FRMD4A: variants seen among roughly 807,000 people sequenced by gnomAD.
The protein encoded by FRMD4A is FERM domain containing 4A, also known as FERM domain-containing protein 4A.
Under a neutral mutation model 129.1 loss-of-function variants are expected in FRMD4A, and 29 were observed. The ratio of observed to expected loss-of-function variants is 0.22; its 90% CI spans 0.17 to 0.31. FRMD4A has a LOEUF of 0.31. FRMD4A is among the 10% of genes least tolerant of loss of function. The pLI, the probability that FRMD4A is intolerant of heterozygous loss-of-function variation, is 1.00. For missense variants in FRMD4A, 1,272 were observed against 1,375.8 expected (o/e 0.92, Z 1.19); for synonymous variants, 634 against 571.6 (o/e 1.11, Z -1.56).
chr10:14,143,457 G>C (rs1564335677), intron 2 of FRMD4A, among the ~76,000 whole-genome samples: 1 of 152,216 alleles, frequency 6.6e-6, no homozygotes, highest in Non-Finnish European at 1.5e-5. Context: ...CAAGTTGAAT[G>C]GTGGTTGGGG....
rs1230775616 is a variant in FRMD4A, at chr10:13,883,009, G to A, written c.46-24097C>T. ...TGTAGAGACGGGGTTTTGCCTTGTTGGCCAGGCTGGTCTCGAACTTCTGTC... is the reference window on the plus strand; with the variant it reads ...TGTAGAGACGGGGTTTTGCCTTGTTAGCCAGGCTGGTCTCGAACTTCTGTC... On this transcript the variant is annotated intron_variant, in intron 2 of 24. Coordinates refer to ENST00000357447, the MANE Select transcript of FRMD4A (RefSeq NM_018027.5). 2.0e-5 allele frequency among the ~76,000 whole-genome samples: 3 copies of A among 151,872 alleles called. No individual in the cohort carries two copies. In the South Asian group the frequency reaches 6.2e-4, roughly 32 times the overall value.
intron 2 of FRMD4A, among the ~76,000 whole-genome samples, chr10:13,913,454 T>C (rs1409731415): frequency 1.3e-5 from 2 of 152,140 alleles, no homozygotes; most frequent in African/African-American, 4.8e-5. Context: ...ATCTCAATAA[T>C]AACAATAAAC....
chr10:14,189,642 C>A (rs914393794), intron 2 of FRMD4A, among the ~76,000 whole-genome samples: 3 of 152,146 alleles, frequency 2.0e-5, no homozygotes, highest in African/African-American at 7.2e-5. Context: ...AAGTAACATT[C>A]TTTGTTCTTG....
intron 2 of FRMD4A, among the ~76,000 whole-genome samples, chr10:13,995,544 C>T (rs1320605232): frequency 6.6e-6 from 1 of 152,180 alleles, no homozygotes; most frequent in Admixed American, 6.5e-5. Flanking sequence ...GAGATTGTGC[C>T]ACTGCACTCC....
chr10:14,295,247 C>T (rs191045119), intron 2 of FRMD4A, among the ~76,000 whole-genome samples: 6 of 152,244 alleles, frequency 3.9e-5, no homozygotes, highest in African/African-American at 1.4e-4. Flanking sequence ...TTCACTCCTG[C>T]CTCCATGTGA....
At chr10:13,921,226 T>C (rs377131103) in intron 2 of FRMD4A, among the ~76,000 whole-genome samples, 17 of 21,362 alleles carry the variant, frequency 8.0e-4, no homozygotes, top group Admixed American at 5.1e-3. Context: ...CTTTCTTTCT[T>C]TCTCTCTCTT....
chr10:14,127,441 C>G (rs1175436890), intron 2 of FRMD4A, among the ~76,000 whole-genome samples: 1 of 152,188 alleles, frequency 6.6e-6, no homozygotes, highest in Admixed American at 6.5e-5. Context: ...TTGCTGTACT[C>G]TGGAGAAGCG....
chr10:13,958,494 AG>A (rs2095424743), intron 2 of FRMD4A, among the ~76,000 whole-genome samples: 5 of 152,016 alleles, frequency 3.3e-5, no homozygotes, highest in Admixed American at 3.3e-4. Context: ...CGTGTTAGCC[AG>A]GATGGTCTTG....
chr10:13,644,985 A>G lies in FRMD4A; in HGVS notation c.*2053T>C, dbSNP rs2081030126. On this transcript the variant is annotated 3_prime_UTR_variant, in exon 25 of 25. Coordinates refer to ENST00000357447, the MANE Select transcript of FRMD4A (RefSeq NM_018027.5). ...CCTGGAATCACCAGTCCAGCCATGC[A>G]TGGAGCTGGGGAAAGCAGGCCCTGA... 6.6e-6 allele frequency: 1 copy of G among 152,252 alleles called. No homozygotes were observed. Among genetic ancestry groups the G allele is most frequent in the African/African-American group, 2.4e-5 (1 of 41,462 alleles). The allele number at this position is 152,252 out of a possible 1,614,324, so 9.4% of individuals were successfully genotyped here.
intron 2 of FRMD4A, among the ~76,000 whole-genome samples, chr10:13,982,574 C>A (rs1478997478): frequency 6.6e-6 from 1 of 151,964 alleles, no homozygotes; most frequent in Admixed American, 6.6e-5. Context: ...GGGTCCTGCC[C>A]TATACCCAGA....
intron 2 of FRMD4A, among the ~76,000 whole-genome samples, chr10:14,224,882 G>A (rs1222387331): frequency 1.3e-5 from 2 of 152,154 alleles, no homozygotes; most frequent in Non-Finnish European, 2.9e-5. Flanking sequence ...AGGTCCAGAG[G>A]AAGCCGTTAT....
intron 2 of FRMD4A, among the ~76,000 whole-genome samples, chr10:14,251,494 C>A (rs1844438854): frequency 6.6e-6 from 1 of 152,152 alleles, no homozygotes; most frequent in Admixed American, 6.5e-5. Context: ...CAGGAATGAT[C>A]TTGAAGCAGA....
intron 13 of FRMD4A, among the ~76,000 whole-genome samples, chr10:13,702,663 CAT>C (rs988310168): frequency 9.2e-5 from 14 of 151,976 alleles, no homozygotes; most frequent in African/African-American, 3.1e-4. Flanking sequence ...TCAAGACTAA[CAT>C]ATCTAATTTG....
At position 13,644,775 on chromosome 10, in the gene FRMD4A, A is replaced by G. The variant is rs1364155594; in HGVS notation, c.*2263T>C. Reference sequence around the variant, plus strand: ...AGAAAGAAAAATGGCCCAATGTATAATGTTTCTGAATGGGGAAGGGAGAAA... The same window carrying G: ...AGAAAGAAAAATGGCCCAATGTATAGTGTTTCTGAATGGGGAAGGGAGAAA... On this transcript the variant is annotated 3_prime_UTR_variant, in exon 25 of 25. Coordinates refer to ENST00000357447, the MANE Select transcript of FRMD4A (RefSeq NM_018027.5). 5.3e-5 allele frequency: 8 copies of G among 152,138 alleles called. No individual in the cohort carries two copies. In the East Asian group the frequency reaches 1.5e-3, roughly 29 times the overall value. 9.4% of individuals were successfully genotyped at this position (152,138 alleles called of 1,614,324 possible).
At chr10:14,218,604 G>A (rs1314619447) in intron 2 of FRMD4A, among the ~76,000 whole-genome samples, 7 of 152,036 alleles carry the variant, frequency 4.6e-5, no homozygotes, top group African/African-American at 1.5e-4. Flanking sequence ...CTGTAATCCC[G>A]GTACTTTGGG....
intron 2 of FRMD4A, among the ~76,000 whole-genome samples, chr10:14,248,586 C>T (rs912253723): frequency 1.3e-5 from 2 of 152,180 alleles, no homozygotes; most frequent in African/African-American, 4.8e-5. Context: ...ACATTAATAT[C>T]ACATTAGGAC....
intron 2 of FRMD4A, among the ~76,000 whole-genome samples, chr10:14,230,485 C>T (rs1387690023): frequency 6.6e-6 from 1 of 152,178 alleles, no homozygotes; most frequent in East Asian, 1.9e-4. Flanking sequence ...AAGATCTTGG[C>T]CCCTGGTAGA....
intron 2 of FRMD4A, among the ~76,000 whole-genome samples, chr10:14,025,792 T>G (rs2131653373): frequency 6.6e-6 from 1 of 152,332 alleles, no homozygotes; most frequent in African/African-American, 2.4e-5. Flanking sequence ...GTGTTTGTCC[T>G]TTGGTGACTG....
chr10:14,243,533 T>C (rs1844125268), intron 2 of FRMD4A, among the ~76,000 whole-genome samples: 1 of 152,192 alleles, frequency 6.6e-6, no homozygotes, highest in African/African-American at 2.4e-5. Flanking sequence ...GAAAATAAAC[T>C]AATACAACCA....
Sources: gnomAD v4.1 joint callset for allele counts (sites outside exome capture counted in the v4.1 genomes callset) on GRCh38, gnomAD v4.1.1 for gene constraint, MANE v1.5 for transcripts, NCBI Gene and HGNC (gene_info 2026-07-23, HGNC 2026-07-21) for gene names.